The following SDK1 variants were observed in gnomAD, a reference collection of about 807,000 sequenced individuals.
SDK1 encodes sidekick cell adhesion molecule 1, also known as protein sidekick-1.
Under a neutral mutation model 245.5 loss-of-function variants are expected in SDK1, and 157 were observed. The observed-to-expected ratio is 0.64, with a 90% CI of 0.56 to 0.73. SDK1 has a LOEUF of 0.73. SDK1 is among the 30% of genes least tolerant of loss of function. The pLI, the probability that SDK1 is intolerant of heterozygous loss-of-function variation, is 0.00. For missense variants in SDK1, 3,583 were observed against 3,002.3 expected (o/e 1.19, Z -4.52); for synonymous variants, 1,647 against 1,278.5 (o/e 1.29, Z -6.15).
At chr7:4,242,113 A>G (rs150240264) in intron 43 of SDK1, among the ~76,000 whole-genome samples, 200 bp downstream of exon 43, 135 of 152,272 alleles carry the variant, frequency 8.9e-4, no homozygotes, top group African/African-American at 3.2e-3. Flanking sequence ...GCGGCTGGAA[A>G]TATTTTCAGG....
chr7:3,595,644 G>A (rs1232492724), intron 1 of SDK1, among the ~76,000 whole-genome samples: 1 of 151,566 alleles, frequency 6.6e-6, no homozygotes, highest in Admixed American at 6.6e-5. Context: ...TGTACCACAG[G>A]GGTTTGACCT....
At chr7:3,975,598 T>G (rs1262154004) in intron 13 of SDK1, among the ~76,000 whole-genome samples, 2 of 152,208 alleles carry the variant, frequency 1.3e-5, no homozygotes. Context: ...GCATGTGGCT[T>G]CTGTGTCTGC....
chr7:3,753,794 C>T (rs895942246), intron 4 of SDK1, among the ~76,000 whole-genome samples: 13 of 152,084 alleles, frequency 8.5e-5, no homozygotes, highest in African/African-American at 2.9e-4. Context: ...GCCAATAATA[C>T]ATTTTAAAAG....
intron 4 of SDK1, among the ~76,000 whole-genome samples, chr7:3,744,687 C>G (rs929607174): frequency 6.6e-6 from 1 of 151,980 alleles, no homozygotes; most frequent in African/African-American, 2.4e-5. Flanking sequence ...TGGCGGGTGC[C>G]TGTAGTCTCA....
intron 4 of SDK1, among the ~76,000 whole-genome samples, chr7:3,748,150 C>T (rs73304253): frequency 0.058 from 8,796 of 151,844 alleles, 761 homozygotes; most frequent in African/African-American, 0.19. Flanking sequence ...TAATATTAAA[C>T]GTTGAAAGCA....
intron 1 of SDK1, among the ~76,000 whole-genome samples, chr7:3,572,296 G>A (rs973996894): frequency 3.3e-5 from 5 of 151,978 alleles, no homozygotes; most frequent in African/African-American, 9.7e-5. Context: ...GTCAAGTAAG[G>A]TGTTTTTGAT....
intron 1 of SDK1, among the ~76,000 whole-genome samples, chr7:3,417,201 C>G (rs556013698): frequency 6.6e-6 from 1 of 151,978 alleles, no homozygotes; most frequent in Admixed American, 6.6e-5. Flanking sequence ...AAAAAACTAG[C>G]GAGCCCTACA....
intron 1 of SDK1, among the ~76,000 whole-genome samples, chr7:3,493,012 G>A (rs963307654): frequency 6.6e-5 from 10 of 152,032 alleles, no homozygotes; most frequent in Non-Finnish European, 1.3e-4. Flanking sequence ...GTGCAGTGGC[G>A]TGATCTCTGC....
chr7:3,687,237 T>A (rs1025127045), intron 4 of SDK1, among the ~76,000 whole-genome samples: 1 of 151,458 alleles, frequency 6.6e-6, no homozygotes, highest in Admixed American at 6.6e-5. Flanking sequence ...AGTGGTGCGA[T>A]CTCAGCTCAG....
At chr7:4,000,869 T>C (rs1785023468) in intron 14 of SDK1, among the ~76,000 whole-genome samples, 1 of 152,200 alleles carries the variant, frequency 6.6e-6, no homozygotes, top group Non-Finnish European at 1.5e-5. Context: ...GTCCGCATTT[T>C]AATAAATGCA....
intron 19 of SDK1, among the ~76,000 whole-genome samples, chr7:4,059,859 T>A (rs139143515): frequency 1.1e-4 from 17 of 151,920 alleles, no homozygotes; most frequent in African/African-American, 3.9e-4. Flanking sequence ...AGGAAGAAAT[T>A]AAGGAGGAAA....
chr7:3,632,487 G>T (rs1782326250), intron 2 of SDK1, among the ~76,000 whole-genome samples: 1 of 152,092 alleles, frequency 6.6e-6, no homozygotes, highest in Non-Finnish European at 1.5e-5. Context: ...ACATCTAATT[G>T]ATACCAGGAG....
chr7:4,139,945 C>T (rs1386183583), intron 28 of SDK1, among the ~76,000 whole-genome samples: 1 of 152,058 alleles, frequency 6.6e-6, no homozygotes, highest in Non-Finnish European at 1.5e-5. Flanking sequence ...CCCCAGGCCT[C>T]CCTGAACAAC....
chr7:3,609,817 C>G (rs1485090455), intron 1 of SDK1, among the ~76,000 whole-genome samples: 2 of 151,960 alleles, frequency 1.3e-5, no homozygotes, highest in Non-Finnish European at 2.9e-5. Context: ...TCTCCTGCCT[C>G]AGACTCACAG....
intron 35 of SDK1, among the ~76,000 whole-genome samples, chr7:4,201,929 A>G (rs754785431): frequency 6.6e-6 from 1 of 152,220 alleles, no homozygotes; most frequent in Non-Finnish European, 1.5e-5. Flanking sequence ...CTCTAGCAGT[A>G]GGATGACCAC....
At chr7:3,691,881 C>G (rs1784445690) in intron 4 of SDK1, among the ~76,000 whole-genome samples, 1 of 152,118 alleles carries the variant, frequency 6.6e-6, no homozygotes, top group South Asian at 2.1e-4. Flanking sequence ...ATGGGGGTGT[C>G]TTTAAGAAGG....
chr7:3,773,353 G>T (rs888862527), intron 4 of SDK1, among the ~76,000 whole-genome samples: 1 of 150,298 alleles, frequency 6.7e-6, no homozygotes, highest in Admixed American at 6.6e-5. Context: ...TATCACTTCA[G>T]TTTTTTTTTC....
chr7:3,526,601 G>T (rs977700897), intron 1 of SDK1, among the ~76,000 whole-genome samples: 1 of 152,124 alleles, frequency 6.6e-6, no homozygotes, highest in Non-Finnish European at 1.5e-5. Flanking sequence ...CACTTTGCTT[G>T]GGAACGCTGG....
In SDK1 at chr7:4,268,744, C is replaced by A. The variant is rs754808728; in HGVS notation, c.*3360C>A. On this transcript the variant is annotated 3_prime_UTR_variant, in exon 45 of 45. Coordinates refer to ENST00000404826, the MANE Select transcript of SDK1 (RefSeq NM_152744.4). Reference sequence around the variant, plus strand: ...GTGTGGCTCCCCGTGGGTCAGCGTCCTGGTAGCATGGATCCAGTCTGAAAG... The same window carrying A: ...GTGTGGCTCCCCGTGGGTCAGCGTCATGGTAGCATGGATCCAGTCTGAAAG... 7.3e-7 allele frequency: 1 copy of A among 1,367,688 alleles called. No individual in the cohort carries two copies. Among genetic ancestry groups the A allele is most frequent in the African/African-American group, 1.5e-5 (1 of 67,740 alleles). 84.7% of individuals were successfully genotyped at this position (1,367,688 alleles called of 1,614,324 possible). A position where few individuals can be genotyped will look rare whatever the true frequency, so the allele number is the denominator to read the frequency against.
Sources: gnomAD v4.1 joint callset for allele counts (sites outside exome capture counted in the v4.1 genomes callset) on GRCh38, gnomAD v4.1.1 for gene constraint, MANE v1.5 for transcripts, NCBI Gene and HGNC (gene_info 2026-07-23, HGNC 2026-07-21) for gene names.